Variants in WNT7B observed in about 807,000 individuals in gnomAD.
The protein encoded by WNT7B is protein Wnt-7b.
In WNT7B, 19 loss-of-function variants were observed where a neutral mutation model predicts 38.2. The ratio of observed to expected loss-of-function variants is 0.50; its 90% confidence interval spans 0.35 to 0.73. The LOEUF (loss-of-function observed/expected upper bound fraction) is 0.73, where lower values mean the gene tolerates loss of function less well. Among genes scored for constraint, WNT7B ranks in the 30% least tolerant of loss-of-function variants. The pLI, the probability that WNT7B is intolerant of heterozygous loss-of-function variation, is 0.01. For missense variants in WNT7B, 423 were observed against 507.9 expected (o/e 0.83, Z 1.61); for synonymous variants, 243 against 209.3 (o/e 1.16, Z -1.39).
intron 2 of WNT7B, among the ~76,000 whole-genome samples, chr22:45,938,709 G>T (rs560057804): frequency 2.6e-5 from 4 of 152,214 alleles, no homozygotes; most frequent in Non-Finnish European, 5.9e-5. Flanking sequence ...GCATGCTGGG[G>T]TGACTACAGT....
At chr22:45,972,378 G>A in intron 1 of WNT7B, 1 of 323,422 alleles carries the variant, frequency 3.1e-6, no homozygotes, top group Non-Finnish European at 5.6e-6. Context: ...GGGCCCGGGC[G>A]CAGTTGTCGC....
chr22:45,943,095 T>TTG (rs930055237), intron 2 of WNT7B, among the ~76,000 whole-genome samples: 2 of 151,878 alleles, frequency 1.3e-5, no homozygotes, highest in African/African-American at 2.4e-5. Flanking sequence ...GTGCGTGTGT[T>TTG]TGTGTGTGTG....
chr22:45,927,277 G>T (rs773399866), intron 3 of WNT7B: 1 of 985,376 alleles, frequency 1.0e-6, no homozygotes, highest in East Asian at 1.1e-4. Flanking sequence ...GGCACCCTGC[G>T]GCAGCCCATT....
At chr22:45,930,070 A>G (rs986865299) in intron 3 of WNT7B, among the ~76,000 whole-genome samples, 1 of 149,488 alleles carries the variant, frequency 6.7e-6, no homozygotes, top group Non-Finnish European at 1.5e-5. Flanking sequence ...CTTCTGTGCC[A>G]GGCCCTACTT....
In WNT7B at chr22:45,939,670, C is replaced by CACACACACACAA. The variant is rs1417517350; in HGVS notation, c.299-8302_299-8301insTTGTGTGTGTGT. Among the ~76,000 whole-genome samples the CACACACACACAA allele has an allele frequency of 6.6e-5, 10 of 151,606 alleles. No homozygotes were observed. In the East Asian group the frequency reaches 1.4e-3, roughly 21 times the overall value. On this transcript the variant is annotated intron_variant, in intron 2 of 3. Coordinates refer to ENST00000339464, the MANE Select transcript of WNT7B (RefSeq NM_058238.3). ...ACACTCACACACACACACACACACA[C>CACACACACACAA]AAAAATAGCCAGGTGTGGTGGTGCA...
chr22:45,953,138 C>A (rs1351947194), intron 1 of WNT7B, among the ~76,000 whole-genome samples: 7 of 129,266 alleles, frequency 5.4e-5, no homozygotes. Flanking sequence ...CCGTGCCCGG[C>A]TTCCCCTCAC....
chr22:45,938,931 A>G (rs1931576835), intron 2 of WNT7B, among the ~76,000 whole-genome samples: 2 of 152,266 alleles, frequency 1.3e-5, no homozygotes, highest in Admixed American at 1.3e-4. Context: ...TAAAAGCTAA[A>G]AAATAGTAGG....
chr22:45,971,772 C>G (rs958554357), intron 1 of WNT7B, among the ~76,000 whole-genome samples: 1 of 152,128 alleles, frequency 6.6e-6, no homozygotes, highest in Non-Finnish European at 1.5e-5. Context: ...TTGCGCGCCG[C>G]GTGGGTTAAT....
chr22:45,927,514 T>C (rs753522106), intron 3 of WNT7B: 142 of 1,539,440 alleles, frequency 9.2e-5, no homozygotes, highest in Non-Finnish European at 1.2e-4. Flanking sequence ...AAGTAGGGCC[T>C]TTACAGATGT....
At position 45,965,914 on chromosome 22, in the gene WNT7B, A is replaced by G. The variant is rs1601741157; in HGVS notation, c.71+10770T>C. ...CAACAGAGCCCGCCCAAGGCTGGAA[A>G]CCCGCCTTAGTAAAACACCGTGACA... On this transcript the variant is annotated intron_variant, in intron 1 of 3. Transcript: ENST00000339464. The surrounding 1 kb of genome is among the most constrained non-coding windows in gnomAD (Gnocchi z 6.5). Among the ~76,000 whole-genome samples the G allele has an allele frequency of 6.6e-6, 1 of 152,048 alleles. No homozygotes were observed. Among genetic ancestry groups the G allele is most frequent in the Admixed American group, 6.5e-5 (1 of 15,274 alleles).
At chr22:45,934,149 G>A (rs1490702651) in intron 2 of WNT7B, among the ~76,000 whole-genome samples, 1 of 152,256 alleles carries the variant, frequency 6.6e-6, no homozygotes, top group African/African-American at 2.4e-5. Flanking sequence ...GAGGCACAGA[G>A]AGTGGCTGGA....
intron 3 of WNT7B, among the ~76,000 whole-genome samples, chr22:45,929,567 C>CTT: frequency 2.1e-5 from 3 of 142,400 alleles, no homozygotes; most frequent in African/African-American, 8.2e-5. Context: ...CACCCATCCC[C>CTT]TCATTCATCC....
chr22:45,962,023 G>A (rs1358642208), intron 1 of WNT7B, among the ~76,000 whole-genome samples: 1 of 152,216 alleles, frequency 6.6e-6, no homozygotes, highest in Non-Finnish European at 1.5e-5. Context: ...AGGGAAGGGA[G>A]CAGAGCGTCC....
At chr22:45,925,310 T>C (rs28578752) in intron 3 of WNT7B, 339,551 of 985,130 alleles carry the variant, frequency 0.34, 62,241 homozygotes, top group African/African-American at 0.67. Context: ...CTGGGGTGTT[T>C]TCTGCTCTGC....
Position 45,927,207 on chromosome 22 carries a change from C to T in WNT7B, c.571-3872G>A, listed in dbSNP as rs188572450. 115 of 985,410 alleles carry T rather than the reference C, an allele frequency of 1.2e-4. No homozygotes were observed. The Middle Eastern group carries it at 2.6e-3, about 22-fold the overall frequency. The allele number at this position is 985,410 out of a possible 1,614,324, so 61.0% of individuals were successfully genotyped here. A position where few individuals can be genotyped will look rare whatever the true frequency, so the allele number is the denominator to read the frequency against. Reference sequence around the variant, plus strand: ...ATGTGCCAGGGGCAGAGCTGGGGGCCGGGCACTGGGCACTCAGGTCTCCAA... The same window carrying T: ...ATGTGCCAGGGGCAGAGCTGGGGGCTGGGCACTGGGCACTCAGGTCTCCAA... On this transcript the variant is annotated intron_variant, in intron 3 of 3. Transcript: ENST00000339464.
At position 45,925,372 on chromosome 22, in the gene WNT7B, C is replaced by T. The variant is rs1931052224; in HGVS notation, c.571-2037G>A. 3.0e-6 allele frequency: 3 copies of T among 985,312 alleles called. No homozygotes were observed. The African/African-American group carries it at 5.2e-5, about 17-fold the overall frequency. The allele number at this position is 985,312 out of a possible 1,614,324, so 61.0% of individuals were successfully genotyped here. ...GGAGAGACTGGGGAGACTGGAGAGA[C>T]TTGAGGGAGGTGGGAGAGGGAGGCT... is the stretch of plus-strand genomic sequence containing the variant. On this transcript the variant is annotated intron_variant, in intron 3 of 3. Coordinates refer to ENST00000339464, the MANE Select transcript of WNT7B (RefSeq NM_058238.3).
chr22:45,969,187 G>A (rs1018660047), intron 1 of WNT7B, among the ~76,000 whole-genome samples: 3 of 152,224 alleles, frequency 2.0e-5, no homozygotes, highest in African/African-American at 7.2e-5. Context: ...CTGGCCTGGC[G>A]GGGCCGTGGT....
At chr22:45,929,728 C>T (rs888750220) in intron 3 of WNT7B, among the ~76,000 whole-genome samples, 3 of 148,818 alleles carry the variant, frequency 2.0e-5, no homozygotes, top group African/African-American at 7.6e-5. Context: ...ATCCACTCAC[C>T]CATCCACCCA....
At chr22:45,968,385 C>G (rs551006297) in intron 1 of WNT7B, among the ~76,000 whole-genome samples, 1 of 152,316 alleles carries the variant, frequency 6.6e-6, no homozygotes, top group East Asian at 1.9e-4. Flanking sequence ...GAGCTTCCCA[C>G]AGCCACCCGG....
Sources: gnomAD v4.1 joint callset for allele counts (sites outside exome capture counted in the v4.1 genomes callset) on GRCh38, gnomAD v4.1.1 for gene constraint, Gnocchi (gnomAD v3.1) non-coding constraint, MANE v1.5 for transcripts, NCBI Gene and HGNC (gene_info 2026-07-23, HGNC 2026-07-21) for gene names.